The following AXIN1 variants were observed in gnomAD, a reference collection of about 807,000 sequenced individuals.
The protein encoded by AXIN1 is axin-1.
In AXIN1, 30 loss-of-function variants were observed where a neutral mutation model predicts 76.4. The observed-to-expected ratio is 0.39, with a 90% confidence interval of 0.29 to 0.53. The LOEUF (loss-of-function observed/expected upper bound fraction) is 0.53. AXIN1 is among the 20% of genes least tolerant of loss of function. AXIN1 has a pLI of 0.66. For synonymous variants in AXIN1, 545 were observed against 501.4 expected (o/e 1.09, Z -1.16); for missense variants, 1,140 against 1,198.8 (o/e 0.95, Z 0.72).
rs528942430 is a variant in AXIN1 at position 301,139 on chromosome 16, T to C, written c.1255-2888A>G. 2.6e-3 allele frequency among the ~76,000 whole-genome samples: 392 copies of C among 152,044 alleles called. 2 individuals carry two copies. Among genetic ancestry groups the C allele is most frequent in the Admixed American group, 5.8e-3 (88 of 15,278 alleles). On this transcript the variant is annotated intron_variant, in intron 5 of 10. Coordinates refer to ENST00000262320, the MANE Select transcript of AXIN1 (RefSeq NM_003502.4). The stretch of plus-strand genomic sequence containing the variant: ...CAAAAAAATTAGCCGGGCGTGATGG[T>C]GGGCGCCTGTAGTCCCAGCTACTGG...
intron 10 of AXIN1, 32 bp downstream of exon 10, chr16:289,408 C>T (rs372273913): frequency 1.3e-5 from 21 of 1,611,758 alleles, no homozygotes; most frequent in South Asian, 1.2e-4. Flanking sequence ...CATACTCGTG[C>T]GGGGAGGGGG....
At chr16:329,007 A>AGCGGGCACAGTG (rs2053636861) in intron 2 of AXIN1, among the ~76,000 whole-genome samples, 1 of 151,858 alleles carries the variant, frequency 6.6e-6, no homozygotes, top group Non-Finnish European at 1.5e-5. Context: ...TGGGCACGGT[A>AGCGGGCACAGTG]GCTCACGCCT....
At chr16:294,934 G>C (rs1241854292) in intron 7 of AXIN1, among the ~76,000 whole-genome samples, 19 of 150,610 alleles carry the variant, frequency 1.3e-4, no homozygotes, top group Admixed American at 2.0e-4. Context: ...CGTGGTGGCG[G>C]GCGCCTGCAG....
chr16:300,115 T>C (rs909425304), intron 5 of AXIN1, among the ~76,000 whole-genome samples: 1 of 152,088 alleles, frequency 6.6e-6, no homozygotes, highest in Admixed American at 6.6e-5. Flanking sequence ...AAATTTTTTG[T>C]ATTTTTAGTA....
At chr16:341,888 G>A (rs878892106) in intron 2 of AXIN1, among the ~76,000 whole-genome samples, 1 of 152,260 alleles carries the variant, frequency 6.6e-6, no homozygotes, top group Non-Finnish European at 1.5e-5. Flanking sequence ...GGGACTTGGA[G>A]AACCTTTGTG....
rs117116749 is a variant in AXIN1 at position 320,443 on chromosome 16, G to A, written c.879-5760C>T. Among the ~76,000 whole-genome samples the A allele has an allele frequency of 2.4e-3, 364 of 152,138 alleles. 4 individuals are homozygous for A. The highest frequency in any genetic ancestry group is 0.016 in the Admixed American group (242 of 15,252). On this transcript the variant is annotated intron_variant, in intron 2 of 10. Transcript: ENST00000262320. ...GACAACACCAATAATGCAACATAGG[G>A]GCGGATAAAATCTAAACAGAAAAGT...
chr16:296,225 A>G (rs891410559), intron 7 of AXIN1, among the ~76,000 whole-genome samples: 13 of 152,260 alleles, frequency 8.5e-5, no homozygotes, highest in African/African-American at 3.1e-4. Context: ...ACAGGCTTCC[A>G]ACACAGGCAG....
rs1017623019 is a variant in AXIN1 at position 310,717 on chromosome 16, T to C, written c.1020-648A>G. Among the ~76,000 whole-genome samples, 3 of 152,180 alleles carry C rather than the reference T, an allele frequency of 2.0e-5. No homozygotes were observed. In the South Asian group the frequency reaches 6.2e-4, roughly 31 times the overall value. ...CGCCCGGCCAAGGTTTCTACATTTTTAAAGGGTGGGGGAAGAATCTGTGAC... is the reference window on the plus strand; with the variant it reads ...CGCCCGGCCAAGGTTTCTACATTTTCAAAGGGTGGGGGAAGAATCTGTGAC... On this transcript the variant is annotated intron_variant, in intron 3 of 10. Coordinates refer to ENST00000262320, the MANE Select transcript of AXIN1 (RefSeq NM_003502.4).
chr16:334,637 G>C (rs1041257394), intron 2 of AXIN1, among the ~76,000 whole-genome samples: 2 of 138,472 alleles, frequency 1.4e-5, no homozygotes, highest in Non-Finnish European at 3.1e-5. Context: ...AGCACAGCAC[G>C]CCAATAATGC....
intron 1 of AXIN1, among the ~76,000 whole-genome samples, chr16:348,371 A>T (rs193049350): frequency 1.6e-3 from 247 of 152,336 alleles, no homozygotes; most frequent in South Asian, 7.5e-3. Context: ...ACCCAGGACC[A>T]ACTGAAGGGG....
intron 3 of AXIN1, among the ~76,000 whole-genome samples, chr16:313,987 A>C (rs1317726950): frequency 6.6e-6 from 1 of 152,130 alleles, no homozygotes; most frequent in Non-Finnish European, 1.5e-5. Context: ...ACAAGACAGG[A>C]CCCTGTACTG....
intron 5 of AXIN1, chr16:299,031 T>C: frequency 2.1e-6 from 2 of 963,366 alleles, no homozygotes; most frequent in Non-Finnish European, 2.5e-6. Flanking sequence ...CCTCCCAAAG[T>C]GTTGGGATGA....
intron 6 of AXIN1, among the ~76,000 whole-genome samples, chr16:297,452 T>C (rs2141506306): frequency 6.6e-6 from 1 of 151,994 alleles, no homozygotes; most frequent in Non-Finnish European, 1.5e-5. Flanking sequence ...GTTTCCTCTC[T>C]AAACACACAG....
chr16:315,346 A>T (rs796575012), intron 2 of AXIN1, among the ~76,000 whole-genome samples: 6 of 152,196 alleles, frequency 3.9e-5, no homozygotes, highest in African/African-American at 1.4e-4. Context: ...CTTCCTCTTT[A>T]TCTGTTCATA....
At position 288,057 on chromosome 16, in the gene AXIN1, G is replaced by A; in HGVS notation, c.*65C>T. 6.2e-7 allele frequency: 1 copy of A among 1,610,170 alleles called. No individual in the cohort carries two copies. The highest frequency in any genetic ancestry group is 8.5e-7 in the Non-Finnish European group (1 of 1,179,572). On this transcript the variant is annotated 3_prime_UTR_variant, in exon 11 of 11. Transcript: ENST00000262320. ...CGGGCTCCTGAGTACGAGGTCATCT[G>A]CCTGGCCGTGACACCCGTGCCCGCC...
Position 347,109 on chromosome 16 carries a change from G to A in AXIN1, c.-81-3C>T, listed in dbSNP as rs2141711810. 1 of 1,607,788 alleles carries A rather than the reference G, an allele frequency of 6.2e-7. No homozygotes were observed. Among genetic ancestry groups the A allele is most frequent in the African/African-American group, 1.3e-5 (1 of 75,020 alleles). ...GCTCCAAAGTGAATCAATCTGTCCT[G>A]TTGAAACCATTAAGAGGACAAGGAT... On this transcript the variant is annotated splice_polypyrimidine_tract_variant and splice_region_variant and intron_variant, in intron 1 of 10. Transcript: ENST00000262320.
intron 2 of AXIN1, among the ~76,000 whole-genome samples, chr16:340,029 T>TC (rs1274373762): frequency 5.3e-5 from 8 of 151,618 alleles, no homozygotes; most frequent in African/African-American, 1.7e-4. Flanking sequence ...GGCCCTTTCT[T>TC]TTTCTTCTTC....
intron 4 of AXIN1, among the ~76,000 whole-genome samples, chr16:305,698 C>T (rs1035102902): frequency 6.6e-5 from 10 of 152,010 alleles, no homozygotes; most frequent in South Asian, 2.1e-4. Context: ...CGCCTGCCAC[C>T]ATGCCCGGCT....
chr16:292,484 G>A (rs1209125118), intron 8 of AXIN1: 1 of 152,224 alleles, frequency 6.6e-6, no homozygotes, highest in Non-Finnish European at 1.5e-5. Context: ...GGCAGAATAA[G>A]GCCCCTAGCC....
Sources: gnomAD v4.1 joint callset for allele counts (sites outside exome capture counted in the v4.1 genomes callset) on GRCh38, gnomAD v4.1.1 for gene constraint, MANE v1.5 for transcripts, NCBI Gene and HGNC (gene_info 2026-07-23, HGNC 2026-07-21) for gene names.